SHTN1: variants seen among roughly 807,000 people sequenced by gnomAD.
SHTN1 encodes the protein shootin-1.
Under a neutral mutation model 83.1 loss-of-function variants are expected in SHTN1, and 42 were observed. The ratio of observed to expected loss-of-function variants is 0.51; its 90% CI spans 0.39 to 0.65. The LOEUF is 0.65. SHTN1 is among the 30% of genes least tolerant of loss of function. The pLI is 0.00. For missense variants in SHTN1, 622 were observed against 737.8 expected (o/e 0.84, Z 1.82); for synonymous variants, 224 against 247.7 (o/e 0.90, Z 0.90).
intron 6 of SHTN1, 129 bp downstream of exon 6, chr10:116,951,780 G>A: frequency 1.1e-5 from 5 of 438,294 alleles, no homozygotes; most frequent in Non-Finnish European, 2.1e-5. Flanking sequence ...AAATTGAGGA[G>A]AGAAGATTAA....
rs573164397 is a variant in SHTN1, at chr10:117,011,494, G to A, written c.-122-32186C>T. ...GCCAGTACCATCTCTATTCATAGAT[G>A]GCAAAATTTCCTATGTGGAAAATAC... On this transcript the variant is annotated intron_variant, in intron 2 of 17. Transcript: ENST00000392901. Among the ~76,000 whole-genome samples, 26 of 152,174 alleles carry A rather than the reference G, an allele frequency of 1.7e-4. No homozygotes were observed. In the South Asian group the frequency reaches 3.3e-3, roughly 19 times the overall value.
chr10:116,923,640 C>T (rs1848640347), intron 11 of SHTN1, among the ~76,000 whole-genome samples: 1 of 152,006 alleles, frequency 6.6e-6, no homozygotes, highest in Non-Finnish European at 1.5e-5. Flanking sequence ...ATTGCAGCTC[C>T]GATCTCCTGC....
intron 1 of SHTN1, among the ~76,000 whole-genome samples, chr10:116,985,294 TACAA>T (rs1397610934): frequency 2.0e-5 from 3 of 152,176 alleles, no homozygotes; most frequent in African/African-American, 7.2e-5. Flanking sequence ...GTCCCCATTT[TACAA>T]ACAAAGACAC....
At chr10:116,906,213 G>C (rs371713885) in intron 15 of SHTN1, among the ~76,000 whole-genome samples, 10 of 152,292 alleles carry the variant, frequency 6.6e-5, no homozygotes, top group Middle Eastern at 3.4e-3. Context: ...TCATTATATA[G>C]ATGAAGAAAC....
At chr10:117,008,316 A>G (rs1032098434), upstream of SHTN1, among the ~76,000 whole-genome samples, 2 of 152,020 alleles carry the variant, frequency 1.3e-5, no homozygotes, top group African/African-American at 4.8e-5. Flanking sequence ...TTTTCAGGTA[A>G]TTAAAGTAAA....
intron 1 of SHTN1, among the ~76,000 whole-genome samples, chr10:117,073,496 A>T (rs1564949953): frequency 6.6e-6 from 1 of 152,222 alleles, no homozygotes; most frequent in Non-Finnish European, 1.5e-5. Context: ...CTTAACTACC[A>T]TATTATAGTG....
chr10:116,922,487 C>T (rs184389848), intron 11 of SHTN1, among the ~76,000 whole-genome samples: 356 of 151,988 alleles, frequency 2.3e-3, no homozygotes, highest in African/African-American at 8.3e-3. Context: ...CAAGCACTTG[C>T]GCACCAGAAT....
chr10:116,926,326 G>A (rs1848740929), intron 11 of SHTN1, among the ~76,000 whole-genome samples: 1 of 152,096 alleles, frequency 6.6e-6, no homozygotes, highest in South Asian at 2.1e-4. Flanking sequence ...TTTCTTATCA[G>A]CTCAAAATCC....
intron 6 of SHTN1, among the ~76,000 whole-genome samples, chr10:116,951,243 G>T (rs1207206957): frequency 6.6e-6 from 1 of 152,076 alleles, no homozygotes; most frequent in Admixed American, 6.5e-5. Context: ...GGAAATACAG[G>T]AACCCACATC....
chr10:117,120,308 C>T (rs1166434317), intron 1 of SHTN1, among the ~76,000 whole-genome samples: 4 of 147,016 alleles, frequency 2.7e-5, no homozygotes, highest in South Asian at 2.1e-4. Context: ...AGTGCAGGGG[C>T]GTGATCTCGG....
intron 1 of SHTN1, among the ~76,000 whole-genome samples, chr10:117,114,305 T>TA (rs1401324415): frequency 7.9e-5 from 12 of 152,256 alleles, no homozygotes; most frequent in African/African-American, 2.4e-4. Flanking sequence ...AAATAGTGAT[T>TA]AAAAGCCAGG....
intron 1 of SHTN1, among the ~76,000 whole-genome samples, chr10:117,086,639 T>G (rs1472986892): frequency 6.6e-6 from 1 of 152,178 alleles, no homozygotes; most frequent in Admixed American, 6.5e-5. Flanking sequence ...ACTGGAACCC[T>G]CATACAGTGC....
rs535619675 is a variant in SHTN1, at chr10:117,067,549, C to T, written c.-188-19039G>A. 3.9e-5 allele frequency among the ~76,000 whole-genome samples: 6 copies of T among 152,012 alleles called. No homozygotes were observed. The East Asian group carries it at 5.8e-4, about 15-fold the overall frequency. On this transcript the variant is annotated intron_variant, in intron 1 of 17. Coordinates refer to the SHTN1 transcript ENST00000392901. Reference sequence around the variant, plus strand: ...GGCAGAGGTTGCAGTGAGCCAAGATCGCGCCACTGTACTCCAGCCTGGGCA... The same window carrying T: ...GGCAGAGGTTGCAGTGAGCCAAGATTGCGCCACTGTACTCCAGCCTGGGCA...
chr10:116,998,123 C>T (rs977887160), intron 1 of SHTN1, among the ~76,000 whole-genome samples: 9 of 152,192 alleles, frequency 5.9e-5, no homozygotes, highest in Admixed American at 4.6e-4. Context: ...TAAGATACAC[C>T]GCTTTGAGGG....
intron 1 of SHTN1, among the ~76,000 whole-genome samples, chr10:116,997,431 T>C (rs1334341559): frequency 1.3e-5 from 2 of 152,232 alleles, no homozygotes; most frequent in South Asian, 2.1e-4. Flanking sequence ...GGACAGATTA[T>C]TTTTTCTACC....
At chr10:117,098,187 G>A (rs1853534641) in intron 1 of SHTN1, among the ~76,000 whole-genome samples, 1 of 141,302 alleles carries the variant, frequency 7.1e-6, no homozygotes, top group Non-Finnish European at 1.5e-5. Context: ...AAGAGATCCA[G>A]ACCATCCTGG....
chr10:117,125,554 G>C (rs1853991163), intron 1 of SHTN1, among the ~76,000 whole-genome samples: 1 of 152,038 alleles, frequency 6.6e-6, no homozygotes, highest in Non-Finnish European at 1.5e-5. Context: ...CTACAGAATA[G>C]AGATCTTTAG....
chr10:116,948,299 C>A (rs1849658743), intron 7 of SHTN1, among the ~76,000 whole-genome samples: 2 of 152,192 alleles, frequency 1.3e-5, no homozygotes, highest in South Asian at 4.1e-4. Context: ...ACTTCCCTCT[C>A]ACCAGGAGAG....
intron 1 of SHTN1, among the ~76,000 whole-genome samples, chr10:116,982,994 A>G (rs1458676620): frequency 6.6e-6 from 1 of 152,098 alleles, no homozygotes; most frequent in Non-Finnish European, 1.5e-5. Flanking sequence ...AATCTGACCA[A>G]TTCTCAGCAT....
Sources: gnomAD v4.1 joint callset for allele counts (sites outside exome capture counted in the v4.1 genomes callset) on GRCh38, gnomAD v4.1.1 for gene constraint, MANE v1.5 for transcripts, NCBI Gene and HGNC (gene_info 2026-07-23, HGNC 2026-07-21) for gene names.